The following NCAM2 variants were observed in gnomAD, a reference collection of about 807,000 sequenced individuals.
NCAM2 encodes the protein neural cell adhesion molecule 2, also known as N-CAM-2.
NCAM2 carries 30 observed loss-of-function variants against 98.1 expected under a neutral mutation model. That is an observed-to-expected ratio of 0.31 (90% confidence interval 0.23 to 0.41). The LOEUF is 0.41. Among genes scored for constraint, NCAM2 ranks in the 10% least tolerant of loss-of-function variants. The pLI is 1.00. For missense variants in NCAM2, 867 were observed against 1,005.8 expected (o/e 0.86, Z 1.87); for synonymous variants, 368 against 342.4 (o/e 1.07, Z -0.83).
chr21:21,437,149 A>T (rs1978479342), intron 12 of NCAM2, among the ~76,000 whole-genome samples: 1 of 152,114 alleles, frequency 6.6e-6, no homozygotes, highest in African/African-American at 2.4e-5. Context: ...AAGAGTGAAG[A>T]TGAAGCAGAA....
chr21:21,179,938 G>A (rs1245169661), intron 1 of NCAM2, among the ~76,000 whole-genome samples: 1 of 152,186 alleles, frequency 6.6e-6, no homozygotes, highest in East Asian at 1.9e-4. Flanking sequence ...AATTCTGTTG[G>A]TTGATTGAAA....
intron 1 of NCAM2, among the ~76,000 whole-genome samples, chr21:21,201,515 G>A (rs538616926): frequency 1.3e-5 from 2 of 152,292 alleles, no homozygotes; most frequent in Admixed American, 1.3e-4. Flanking sequence ...ATAGTGATAT[G>A]TTTGTGTAGT....
intron 1 of NCAM2, among the ~76,000 whole-genome samples, chr21:21,047,086 TG>T (rs5842876): frequency 1 from 152,260 of 152,260 alleles, 76,130 homozygotes; most frequent in Non-Finnish European, 1. Context: ...TCACTTGTGT[TG>T]TGTACGAGTT....
At chr21:21,265,102 T>C (rs1456936235) in intron 1 of NCAM2, among the ~76,000 whole-genome samples, 2 of 48,304 alleles carry the variant, frequency 4.1e-5, no homozygotes, top group Non-Finnish European at 8.4e-5. Context: ...TATATACATA[T>C]ATAATATATA....
chr21:21,293,290 T>A (rs1400118339), intron 5 of NCAM2, among the ~76,000 whole-genome samples: 1 of 102,776 alleles, frequency 9.7e-6, no homozygotes, highest in Admixed American at 9.1e-5. Flanking sequence ...GTGATCTAAT[T>A]TTTTTTTTTC....
At chr21:21,444,357 TA>T (rs1331012544) in intron 12 of NCAM2, among the ~76,000 whole-genome samples, 1 of 152,194 alleles carries the variant, frequency 6.6e-6, no homozygotes, top group Non-Finnish European at 1.5e-5. Context: ...TAAAGTGAGT[TA>T]GGGGGAGTCC....
At chr21:21,142,503 G>T (rs958355983) in intron 1 of NCAM2, among the ~76,000 whole-genome samples, 10 of 149,040 alleles carry the variant, frequency 6.7e-5, no homozygotes, top group Non-Finnish European at 1.3e-4. Flanking sequence ...CTCAGACTCC[G>T]GAGTAGCTGG....
intron 5 of NCAM2, among the ~76,000 whole-genome samples, chr21:21,294,945 A>G (rs1290372045): frequency 6.6e-6 from 1 of 151,798 alleles, no homozygotes; most frequent in Non-Finnish European, 1.5e-5. Context: ...ATATTATTTG[A>G]TCTTTAATTA....
intron 1 of NCAM2, among the ~76,000 whole-genome samples, chr21:21,172,880 G>T (rs964227689): frequency 1.3e-5 from 2 of 151,910 alleles, no homozygotes; most frequent in African/African-American, 4.8e-5. Context: ...TTATAAAGAA[G>T]AACTACTAAA....
intron 1 of NCAM2, among the ~76,000 whole-genome samples, chr21:21,262,875 A>C (rs1371599188): frequency 6.6e-6 from 1 of 152,028 alleles, no homozygotes; most frequent in Non-Finnish European, 1.5e-5. Context: ...GAGAGAAGAG[A>C]GCTTGTGCAG....
At chr21:21,090,507 G>T (rs1381267206) in intron 1 of NCAM2, among the ~76,000 whole-genome samples, 3 of 152,140 alleles carry the variant, frequency 2.0e-5, no homozygotes, top group African/African-American at 7.2e-5. Context: ...GCCATCAGTA[G>T]ATATATCTTA....
intron 1 of NCAM2, among the ~76,000 whole-genome samples, chr21:21,272,991 AC>A: frequency 2.1e-5 from 1 of 46,786 alleles, no homozygotes; most frequent in African/African-American, 5.2e-5. Context: ...ACATACACAC[AC>A]ACACACACAC....
chr21:21,396,365 G>A (rs1569017140), intron 9 of NCAM2, among the ~76,000 whole-genome samples: 1 of 152,182 alleles, frequency 6.6e-6, no homozygotes, highest in Non-Finnish European at 1.5e-5. Context: ...AATAGTGTTA[G>A]CACATACATG....
At chr21:21,167,815 T>C in intron 1 of NCAM2, among the ~76,000 whole-genome samples, 1 of 152,128 alleles carries the variant, frequency 6.6e-6, no homozygotes, top group East Asian at 1.9e-4. Flanking sequence ...ATTGAATCCG[T>C]AAGTAATACA....
intron 9 of NCAM2, among the ~76,000 whole-genome samples, chr21:21,409,957 C>A (rs1406750896): frequency 6.6e-6 from 1 of 151,978 alleles, no homozygotes; most frequent in East Asian, 1.9e-4. Context: ...CACAGTGAAA[C>A]CCCGTCTCTA....
chr21:21,301,680 C>G (rs2073719854), intron 5 of NCAM2, among the ~76,000 whole-genome samples: 1 of 149,468 alleles, frequency 6.7e-6, no homozygotes, highest in South Asian at 2.2e-4. Context: ...ATGATGGTTT[C>G]CAATTTCATC....
chr21:21,299,534 A>G (rs555394118), intron 5 of NCAM2, among the ~76,000 whole-genome samples: 13 of 151,840 alleles, frequency 8.6e-5, no homozygotes, highest in African/African-American at 3.1e-4. Context: ...CTAGGATGAG[A>G]TTTCACAATC....
At chr21:21,119,214 T>G (rs2066623010) in intron 1 of NCAM2, among the ~76,000 whole-genome samples, 1 of 152,188 alleles carries the variant, frequency 6.6e-6, no homozygotes, top group Non-Finnish European at 1.5e-5. Flanking sequence ...TAATGATTAC[T>G]TCACAGTAAT....
At chr21:21,213,256 G>T (rs2069732934) in intron 1 of NCAM2, among the ~76,000 whole-genome samples, 1 of 152,088 alleles carries the variant, frequency 6.6e-6, no homozygotes, top group Admixed American at 6.5e-5. Context: ...TAATGGTAAT[G>T]ACATGGATAA....
Sources: gnomAD v4.1 joint callset for allele counts (sites outside exome capture counted in the v4.1 genomes callset) on GRCh38, gnomAD v4.1.1 for gene constraint, MANE v1.5 for transcripts, NCBI Gene and HGNC (gene_info 2026-07-23, HGNC 2026-07-21) for gene names.